Variants in TAS2R1 observed in about 807,000 individuals in gnomAD.
The protein encoded by TAS2R1 is taste receptor type 2 member 1.
For synonymous variants in TAS2R1, 141 were observed against 134.2 expected, an observed-to-expected ratio of 1.05 and a Z score of -0.35; for missense variants, 370 against 353.4, an observed-to-expected ratio of 1.05 and a Z score of -0.38.
At chr5:9,696,285 T>A (rs1031614459) in intron 1 of TAS2R1, among the ~76,000 whole-genome samples, 1 of 152,110 alleles carries the variant, frequency 6.6e-6, no homozygotes, top group Admixed American at 6.6e-5. Flanking sequence ...TGAGATCTGA[T>A]GCGGTAGCTC....
At chr5:9,739,239 C>T in the TAS2R1 span, among the ~76,000 whole-genome samples, 1,345 of 152,256 alleles carry the variant, frequency 8.8e-3, 20 homozygotes, top group African/African-American at 0.031. Context: ...TGGAGCTTTT[C>T]CTGGTGAAAT....
Position 9,651,892 on chromosome 5 carries a change from C to T in TAS2R1, c.-81+7529G>A, listed in dbSNP as rs115043205. ...CACCAACAAGCCCTGAGCGGCTGGG[C>T]GTCCATCTCCCCATCTGTACCAGTG... On this transcript the variant is annotated intron_variant, in intron 2 of 2. Transcript: ENST00000506620. Among the ~76,000 whole-genome samples the T allele has an allele frequency of 7.1e-3, 1,085 of 152,266 alleles. 7 individuals carry two copies. Among genetic ancestry groups the T allele is most frequent in the African/African-American group, 0.024 (999 of 41,540 alleles).
intron 1 of TAS2R1, among the ~76,000 whole-genome samples, chr5:9,689,204 T>C (rs574185683): frequency 6.6e-6 from 1 of 152,286 alleles, no homozygotes; most frequent in South Asian, 2.1e-4. Context: ...CTATCATCTA[T>C]CTACCTATCA....
the TAS2R1 span, among the ~76,000 whole-genome samples, chr5:9,870,754 T>A: frequency 1.3e-5 from 2 of 152,136 alleles, no homozygotes; most frequent in African/African-American, 4.8e-5. Context: ...GAGGAGGAGA[T>A]GCTGGAACTG....
At chr5:9,889,127 A>T in the TAS2R1 span, among the ~76,000 whole-genome samples, 46 of 152,220 alleles carry the variant, frequency 3.0e-4, no homozygotes, top group Admixed American at 1.0e-3. Flanking sequence ...TATTAGATTT[A>T]ATAAGCAGCA....
chr5:9,757,012 G>A, the TAS2R1 span, among the ~76,000 whole-genome samples: 1 of 152,134 alleles, frequency 6.6e-6, no homozygotes, highest in African/African-American at 2.4e-5. Context: ...ACAGAAAATG[G>A]TTCTGGTAGG....
chr5:9,867,740 A>G, the TAS2R1 span, among the ~76,000 whole-genome samples: 1 of 152,156 alleles, frequency 6.6e-6, no homozygotes, highest in Non-Finnish European at 1.5e-5. Flanking sequence ...CATTAACTCA[A>G]AAGTCCGCAG....
At chr5:9,768,099 C>G in the TAS2R1 span, among the ~76,000 whole-genome samples, 1 of 152,064 alleles carries the variant, frequency 6.6e-6, no homozygotes, top group Non-Finnish European at 1.5e-5. Context: ...TGTCCATTAC[C>G]CATCCAGCAC....
the TAS2R1 span, among the ~76,000 whole-genome samples, chr5:9,816,589 G>T: frequency 6.6e-6 from 1 of 151,924 alleles, no homozygotes; most frequent in African/African-American, 2.4e-5. Flanking sequence ...CATGGGAGAT[G>T]CTTATCACAA....
chr5:9,713,804 T>G (rs1734750575), upstream of TAS2R1: 1 of 152,186 alleles, frequency 6.6e-6, no homozygotes, highest in African/African-American at 2.4e-5. Context: ...GGTTGGTGGT[T>G]TATGGCTAAA....
chr5:9,674,870 A>G (rs1247165913), intron 1 of TAS2R1, among the ~76,000 whole-genome samples: 3 of 152,052 alleles, frequency 2.0e-5, no homozygotes, highest in Non-Finnish European at 4.4e-5. Context: ...CAATAATACA[A>G]GAAAAGAAAA....
At chr5:9,881,639 G>A in the TAS2R1 span, among the ~76,000 whole-genome samples, 2 of 152,102 alleles carry the variant, frequency 1.3e-5, no homozygotes, top group Non-Finnish European at 2.9e-5. Flanking sequence ...AAAACAGTAT[G>A]GTACTGGTAC....
rs150976902 is a variant in TAS2R1, at chr5:9,694,058, A to G, written c.-242+18114T>C. Among the ~76,000 whole-genome samples, 650 of 152,322 alleles carry G rather than the reference A, an allele frequency of 4.3e-3. 7 individuals are homozygous for G. The highest frequency in any genetic ancestry group is 0.015 in the African/African-American group (607 of 41,578). Reference sequence around the variant, plus strand: ...GATATCCAATTTTAACAAAGCTATTACTGGTCTAGTGTTATCACATGGAAA... The same window carrying G: ...GATATCCAATTTTAACAAAGCTATTGCTGGTCTAGTGTTATCACATGGAAA... On this transcript the variant is annotated intron_variant, in intron 1 of 2. Coordinates refer to the TAS2R1 transcript ENST00000506620.
At chr5:9,678,786 T>A (rs933164114) in intron 1 of TAS2R1, among the ~76,000 whole-genome samples, 2 of 150,316 alleles carry the variant, frequency 1.3e-5, no homozygotes, top group Non-Finnish European at 3.0e-5. Flanking sequence ...TGTTGGGGGG[T>A]TTGGGGGAGG....
At position 9,648,148 on chromosome 5, in the gene TAS2R1, A is replaced by T. The variant is rs1289811278; in HGVS notation, c.-81+11273T>A. On this transcript the variant is annotated intron_variant, in intron 2 of 2. Coordinates refer to the TAS2R1 transcript ENST00000506620. ...AGTGTGGCCATGGCTACACAGCAGT[A>T]TGGATTGGGGAGAGAATACTTCAAC... Among the ~76,000 whole-genome samples, 20 of 152,150 alleles carry T rather than the reference A, an allele frequency of 1.3e-4. 1 individual carries two copies.
the TAS2R1 span, among the ~76,000 whole-genome samples, chr5:9,775,531 T>G: frequency 6.6e-6 from 1 of 152,168 alleles, no homozygotes; most frequent in Non-Finnish European, 1.5e-5. Context: ...GCTGGAAATG[T>G]GCTGAGTCAT....
At chr5:9,835,140 A>C in the TAS2R1 span, among the ~76,000 whole-genome samples, 3 of 152,316 alleles carry the variant, frequency 2.0e-5, no homozygotes, top group South Asian at 6.2e-4. Flanking sequence ...CTTCCAAAGC[A>C]GTTGCCAGTT....
chr5:9,811,019 G>A, the TAS2R1 span, among the ~76,000 whole-genome samples: 1 of 152,168 alleles, frequency 6.6e-6, no homozygotes, highest in African/African-American at 2.4e-5. Context: ...TGGTTTAAAT[G>A]TGTGTGTTCC....
At chr5:9,752,972 A>G in the TAS2R1 span, among the ~76,000 whole-genome samples, 3 of 152,172 alleles carry the variant, frequency 2.0e-5, no homozygotes, top group Non-Finnish European at 4.4e-5. Context: ...GCTTGGTTCC[A>G]AGTCTTTGCT....
Sources: allele counts gnomAD v4.1 joint callset (sites outside exome capture counted in the v4.1 genomes callset), GRCh38; gene constraint gnomAD v4.1.1; transcripts MANE v1.5; gene names NCBI Gene and HGNC (gene_info 2026-07-23, HGNC 2026-07-21).